The following MAP2K5 variants were observed in gnomAD, a reference collection of about 807,000 sequenced individuals.
MAP2K5 encodes the protein mitogen-activated protein kinase kinase 5.
MAP2K5 carries 49 observed loss-of-function variants against 83.1 expected under a neutral mutation model. That is an observed-to-expected ratio of 0.59 (90% CI 0.47 to 0.75). The LOEUF (loss-of-function observed/expected upper bound fraction) is 0.75, where lower values mean the gene tolerates loss of function less well. Ranked by LOEUF, MAP2K5 falls within the 30% of genes least tolerant of loss-of-function variation. MAP2K5 has a pLI of 0.00. For missense variants in MAP2K5, 457 were observed against 557.5 expected, an observed-to-expected ratio of 0.82 and a Z score of 1.82; for synonymous variants, 202 against 191.8, an observed-to-expected ratio of 1.05 and a Z score of -0.44.
In MAP2K5 at chr15:67,543,157, G is replaced by T; in HGVS notation, c.-179G>T. The T allele has an allele frequency of 3.2e-6, 2 of 616,590 alleles. No individual in the cohort carries two copies. Among genetic ancestry groups the T allele is most frequent in the Non-Finnish European group, 2.8e-6 (1 of 353,050 alleles). 38.2% of individuals were successfully genotyped at this position (616,590 alleles called of 1,614,324 possible). ...GACCCCCGACAGCCTGGGCAGGCTCGGTGCCTGCGGGTGCGTTCCTGATCA... is the reference window on the plus strand; with the variant it reads ...GACCCCCGACAGCCTGGGCAGGCTCTGTGCCTGCGGGTGCGTTCCTGATCA... On this transcript the variant is annotated 5_prime_UTR_variant, in exon 1 of 22. Coordinates refer to ENST00000178640, the MANE Select transcript of MAP2K5 (RefSeq NM_145160.3). This position sits in a 1 kb window ranked among gnomAD's most constrained non-coding sequence, Gnocchi z 4.3.
Position 67,676,557 on chromosome 15 carries a change from C to G in MAP2K5, c.847+11912C>G, listed in dbSNP as rs1263442653. Among the ~76,000 whole-genome samples, 1 of 152,122 alleles carries G rather than the reference C, an allele frequency of 6.6e-6. No homozygotes were observed. The highest frequency in any genetic ancestry group is 2.4e-5 in the African/African-American group (1 of 41,410). On this transcript the variant is annotated intron_variant, in intron 13 of 21. Transcript: ENST00000178640. This position sits in a 1 kb window ranked among gnomAD's most constrained non-coding sequence, Gnocchi z 4.8. ...CAGCACCATGGAAATCAAATCTACT[C>G]TTTTGCTGGTGGAAGATTAAGTTCC...
chr15:67,567,900 C>T (rs984795486), intron 3 of MAP2K5, among the ~76,000 whole-genome samples: 1 of 151,958 alleles, frequency 6.6e-6, no homozygotes, highest in Non-Finnish European at 1.5e-5. Context: ...TCTATGGAGG[C>T]CCAGTTCTAG....
intron 21 of MAP2K5, among the ~76,000 whole-genome samples, chr15:67,784,532 A>C (rs1281926928): frequency 6.6e-6 from 1 of 152,198 alleles, no homozygotes; most frequent in Non-Finnish European, 1.5e-5. Context: ...GTCGAGGCAG[A>C]GAGCAGATGG....
At chr15:67,608,677 G>A (rs2085836327) in intron 8 of MAP2K5, among the ~76,000 whole-genome samples, 1 of 152,030 alleles carries the variant, frequency 6.6e-6, no homozygotes, top group African/African-American at 2.4e-5. Context: ...GAAGATTAAA[G>A]GGCTCCATGA....
In MAP2K5 at chr15:67,755,309, G is replaced by A. The variant is rs1237364124; in HGVS notation, c.1134+6708G>A. ...AGCTTTTTAGTAACATTGTTATAAAGTAGGCTCTTCCCTTATTTTTCTCCT... is the reference window on the plus strand; with the variant it reads ...AGCTTTTTAGTAACATTGTTATAAAATAGGCTCTTCCCTTATTTTTCTCCT... On this transcript the variant is annotated intron_variant, in intron 19 of 21. Transcript: ENST00000178640. The surrounding 1 kb of genome is among the most constrained non-coding windows in gnomAD (Gnocchi z 4.7). Among the ~76,000 whole-genome samples the A allele has an allele frequency of 1.3e-5, 2 of 152,066 alleles. No individual in the cohort carries two copies. The highest frequency in any genetic ancestry group is 3.9e-4 in the East Asian group (2 of 5,186).
At chr15:67,595,858 G>T (rs2085513170) in intron 7 of MAP2K5, among the ~76,000 whole-genome samples, 1 of 152,034 alleles carries the variant, frequency 6.6e-6, no homozygotes, top group South Asian at 2.1e-4. Context: ...TTTAACATTG[G>T]CCCTTGATTT....
chr15:67,752,631 T>C (rs574669080), intron 19 of MAP2K5, among the ~76,000 whole-genome samples: 1 of 145,066 alleles, frequency 6.9e-6, no homozygotes, highest in African/African-American at 2.6e-5. Flanking sequence ...TGAGCCAAGA[T>C]AAGAGCACTG....
rs1438735118 is a variant in MAP2K5 at position 67,748,102 on chromosome 15, A to G, written c.1075-129A>G. The G allele has an allele frequency of 1.6e-6, 1 of 636,334 alleles. No individual in the cohort carries two copies. The highest frequency in any genetic ancestry group is 2.9e-6 in the Non-Finnish European group (1 of 348,424). The allele number at this position is 636,334 out of a possible 1,614,324, so 39.4% of individuals were successfully genotyped here. ...CTATTAACATTTGTGTATTTTCATT[A>G]TGTAAATTGTGTTAACACATGCCCA... On this transcript the variant is annotated intron_variant, in intron 17 of 21. Transcript: ENST00000178640. This position sits in a 1 kb window ranked among gnomAD's most constrained non-coding sequence, Gnocchi z 4.0.
chr15:67,667,979 T>A (rs767508148), intron 13 of MAP2K5, among the ~76,000 whole-genome samples: 4 of 152,178 alleles, frequency 2.6e-5, no homozygotes, highest in Non-Finnish European at 5.9e-5. Flanking sequence ...ATGAGGCTTG[T>A]TAGTCTGGTA....
At chr15:67,684,165 A>C (rs915279339) in intron 13 of MAP2K5, among the ~76,000 whole-genome samples, 3 of 152,242 alleles carry the variant, frequency 2.0e-5, no homozygotes, top group Non-Finnish European at 4.4e-5. Flanking sequence ...GCATTTATAG[A>C]GTGAAATCCT....
rs1013640059 is a variant in MAP2K5 at position 67,565,713 on chromosome 15, A to G, written c.252+2363A>G. 3.9e-5 allele frequency among the ~76,000 whole-genome samples: 6 copies of G among 152,198 alleles called. No homozygotes were observed. The highest frequency in any genetic ancestry group is 1.4e-4 in the African/African-American group (6 of 41,452). Reference sequence around the variant, plus strand: ...CATGTCCTTAGTTTAAAAGTTTCTGAGATTACTTGGGTCCACTTTTTTTTA... The same window carrying G: ...CATGTCCTTAGTTTAAAAGTTTCTGGGATTACTTGGGTCCACTTTTTTTTA... On this transcript the variant is annotated intron_variant, in intron 3 of 21. Coordinates refer to ENST00000178640, the MANE Select transcript of MAP2K5 (RefSeq NM_145160.3). The surrounding 1 kb of genome is among the most constrained non-coding windows in gnomAD (Gnocchi z 4.1).
chr15:67,695,481 T>C (rs2088229733), intron 15 of MAP2K5, among the ~76,000 whole-genome samples: 1 of 152,224 alleles, frequency 6.6e-6, no homozygotes, highest in South Asian at 2.1e-4. Context: ...TATCTGTTTT[T>C]ATAAAATGTA....
intron 9 of MAP2K5, among the ~76,000 whole-genome samples, chr15:67,642,089 G>A (rs1409873076): frequency 2.0e-5 from 3 of 152,168 alleles, no homozygotes; most frequent in Admixed American, 2.0e-4. Flanking sequence ...TGATCAAAAC[G>A]AATTAGAGTA....
intron 8 of MAP2K5, among the ~76,000 whole-genome samples, chr15:67,610,897 AAAAG>A (rs2085905496): frequency 6.6e-6 from 1 of 152,216 alleles, no homozygotes; most frequent in Non-Finnish European, 1.5e-5. Context: ...CAGTATGGCA[AAAAG>A]AAAGAGAGAG....
rs2089649363 is a variant in MAP2K5 at position 67,748,354 on chromosome 15, G to A, written c.1101+97G>A. On this transcript the variant is annotated intron_variant, in intron 18 of 21. Coordinates refer to ENST00000178640, the MANE Select transcript of MAP2K5 (RefSeq NM_145160.3). This position sits in a 1 kb window ranked among gnomAD's most constrained non-coding sequence, Gnocchi z 4.0. Reference sequence around the variant, plus strand: ...TGCCTTGTTTTAAACTTAGCAAATTGCATTTTGAAGAAAATGCAAACCTTT... The same window carrying A: ...TGCCTTGTTTTAAACTTAGCAAATTACATTTTGAAGAAAATGCAAACCTTT... 2.7e-6 allele frequency: 3 copies of A among 1,119,278 alleles called. No individual in the cohort carries two copies. Among genetic ancestry groups the A allele is most frequent in the East Asian group, 2.4e-5 (1 of 41,992 alleles). The allele number at this position is 1,119,278 out of a possible 1,614,324, so 69.3% of individuals were successfully genotyped here. A position where few individuals can be genotyped will look rare whatever the true frequency, so the allele number is the denominator to read the frequency against.
chr15:67,712,092 T>C (rs2088705159), intron 16 of MAP2K5, among the ~76,000 whole-genome samples: 3 of 152,208 alleles, frequency 2.0e-5, no homozygotes, highest in African/African-American at 4.8e-5. Flanking sequence ...CCTGGCACCA[T>C]AGAAGTCTGG....
In MAP2K5 at chr15:67,766,665, G is replaced by A. The variant is rs184239198; in HGVS notation, c.1135-2937G>A. On this transcript the variant is annotated intron_variant, in intron 19 of 21. Transcript: ENST00000178640. The stretch of plus-strand genomic sequence containing the variant: ...TAGATAACAAAATAGGCAGGTTCTT[G>A]GAGATCTTTCACATCCTGATCAAAA... 8.0e-4 allele frequency among the ~76,000 whole-genome samples: 122 copies of A among 152,290 alleles called. 1 individual carries two copies. The highest frequency in any genetic ancestry group is 6.8e-3 in the Middle Eastern group (2 of 294).
At chr15:67,607,569 A>C (rs2085806998) in intron 8 of MAP2K5, among the ~76,000 whole-genome samples, 1 of 152,208 alleles carries the variant, frequency 6.6e-6, no homozygotes, top group South Asian at 2.1e-4. Context: ...CGCTGAGCAG[A>C]GATTTTCAGA....
At position 67,724,669 on chromosome 15, in the gene MAP2K5, T is replaced by A. The variant is rs1165681921; in HGVS notation, c.1045-3247T>A. On this transcript the variant is annotated intron_variant, in intron 16 of 21. Coordinates refer to ENST00000178640, the MANE Select transcript of MAP2K5 (RefSeq NM_145160.3). The surrounding 1 kb of genome is among the most constrained non-coding windows in gnomAD (Gnocchi z 4.4). Reference sequence around the variant, plus strand: ...TAAAAAGAGTTCTAGAGCCTGGCTATATGTTTCCTTCTACTTTTCTATAAG... The same window carrying A: ...TAAAAAGAGTTCTAGAGCCTGGCTAAATGTTTCCTTCTACTTTTCTATAAG... Among the ~76,000 whole-genome samples the A allele has an allele frequency of 1.3e-5, 2 of 152,244 alleles. No homozygotes were observed. Among genetic ancestry groups the A allele is most frequent in the East Asian group, 1.9e-4 (1 of 5,202 alleles).
Sources: allele counts gnomAD v4.1 joint callset (sites outside exome capture counted in the v4.1 genomes callset), GRCh38; gene constraint gnomAD v4.1.1; non-coding constraint Gnocchi (gnomAD v3.1); transcripts MANE v1.5; gene names NCBI Gene and HGNC (gene_info 2026-07-23, HGNC 2026-07-21).